LDB3: variants seen among roughly 807,000 people sequenced by gnomAD.
The protein encoded by LDB3 is LIM domain binding 3.
Under a neutral mutation model 69.0 loss-of-function variants are expected in LDB3, and 49 were observed. The observed-to-expected ratio is 0.71, with a 90% CI of 0.56 to 0.90. The LOEUF (loss-of-function observed/expected upper bound fraction) is 0.90, where lower values mean the gene tolerates loss of function less well. LDB3 is among the 40% of genes least tolerant of loss of function. The probability of loss-of-function intolerance (pLI) is 0.00; values close to 1 mark genes in which losing one functional copy is unlikely to be tolerated. For missense variants in LDB3, 928 were observed against 974.1 expected (o/e 0.95, Z 0.63); for synonymous variants, 387 against 396.2 (o/e 0.98, Z 0.28).
Position 86,681,508 on chromosome 10 carries a change from A to G in LDB3, c.394A>G (p.Thr132Ala), listed in dbSNP as rs1845127980. ...CCCTGAGGCGAGGGCCAGCCCAGGC[A>G]CCCCAGGCACCCCGGAGCTCAGGCC... is the stretch of plus-strand genomic sequence containing the variant. ...PSPEARASPG[T>A]PGTPELRPTF... The change falls in exon 5 of 14, where the codon ACC (threonine) becomes GCC (alanine). Residue 132 changes from threonine to alanine, a missense_variant. By Grantham distance (58) the Thr-to-Ala change is moderately conservative (BLOSUM62 0). Coordinates refer to ENST00000361373, the MANE Select transcript of LDB3 (RefSeq NM_007078.3). The G allele has an allele frequency of 1.2e-6, 2 of 1,611,150 alleles. No individual in the cohort carries two copies. Among genetic ancestry groups the G allele is most frequent in the African/African-American group, 2.7e-5 (2 of 74,838 alleles).
chr10:86,720,443 G>GCA (rs1554865318), intron 12 of LDB3, among the ~76,000 whole-genome samples: 1 of 148,530 alleles, frequency 6.7e-6, no homozygotes, highest in Non-Finnish European at 1.5e-5. Flanking sequence ...GACTCCATCT[G>GCA]AAAAAAAAAA....
intron 5 of LDB3, among the ~76,000 whole-genome samples, chr10:86,688,650 C>T (rs997564735): frequency 2.0e-5 from 3 of 152,174 alleles, no homozygotes; most frequent in Non-Finnish European, 2.9e-5. Context: ...TTAGCTCATG[C>T]GTACCCAGAA....
intron 9 of LDB3, among the ~76,000 whole-genome samples, chr10:86,715,057 T>C (rs1329276589): frequency 1.3e-5 from 2 of 152,190 alleles, no homozygotes; most frequent in Non-Finnish European, 2.9e-5. Context: ...AGCCACAGGC[T>C]GCCCCAGGCG....
At chr10:86,679,614 C>T in intron 3 of LDB3, 96 bp downstream of exon 3, 1 of 1,386,196 alleles carries the variant, frequency 7.2e-7, no homozygotes, top group South Asian at 1.2e-5. Context: ...TTGAGTGGGC[C>T]CCGCCCTGGG....
rs1049456402 is a variant in LDB3 at position 86,681,418 on chromosome 10, T to C, written c.322-18T>C. The C allele has an allele frequency of 1.3e-6, 2 of 1,599,686 alleles. No individual in the cohort carries two copies. Among genetic ancestry groups the C allele is most frequent in the Admixed American group, 1.7e-5 (1 of 60,004 alleles). ...ACCGCTCTCTTCTCTCTCCCCTGCA[T>C]GGCCTGCCCTGTGCCAGGACCCCGC... On this transcript the variant is annotated intron_variant, in intron 4 of 13. Coordinates refer to ENST00000361373, the MANE Select transcript of LDB3 (RefSeq NM_007078.3).
Position 86,716,693 on chromosome 10 carries a change from G to T in LDB3, c.1598G>T (p.Arg533Met). Reference sequence around the variant, plus strand: ...GGTCCTCAGGTGCCACCACTTGCCAGGGGGACCGTCCAGAGGGCTGAGCGA... The same window carrying T: ...GGTCCTCAGGTGCCACCACTTGCCATGGGGACCGTCCAGAGGGCTGAGCGA... ...PAGPQVPPLARGTVQRAERFP... is the reference protein window; with the variant it reads ...PAGPQVPPLAMGTVQRAERFP... Residue 533 changes from arginine to methionine, a missense_variant, in exon 10 of 14, where the codon AGG (arginine) becomes ATG (methionine). Physicochemically the swap from Arg to Met is moderately conservative, Grantham distance 91. Coordinates refer to ENST00000361373, the MANE Select transcript of LDB3 (RefSeq NM_007078.3). 6.2e-7 allele frequency: 1 copy of T among 1,613,808 alleles called. No homozygotes were observed. Among genetic ancestry groups the T allele is most frequent in the Non-Finnish European group, 8.5e-7 (1 of 1,179,970 alleles).
chr10:86,673,233 C>T (rs1844585312), intron 2 of LDB3, among the ~76,000 whole-genome samples: 2 of 152,204 alleles, frequency 1.3e-5, no homozygotes. Context: ...GGAAGAGAGG[C>T]AGGAGAGACT....
At chr10:86,706,203 C>T (rs547001235) in intron 7 of LDB3, among the ~76,000 whole-genome samples, 2 of 148,932 alleles carry the variant, frequency 1.3e-5, no homozygotes, top group African/African-American at 4.9e-5. Flanking sequence ...ATTCCATCGG[C>T]CTTTCTACCA....
intron 9 of LDB3, chr10:86,710,379 C>T (rs1589667817): frequency 1.9e-6 from 1 of 515,934 alleles, no homozygotes; most frequent in Non-Finnish European, 2.5e-6. Context: ...CGCCTGAGGT[C>T]GGGAGTTTGA....
In LDB3 at chr10:86,699,552, G is replaced by A; in HGVS notation, c.897-6979G>A. 1 of 1,473,116 alleles carries A rather than the reference G, an allele frequency of 6.8e-7. No homozygotes were observed. The highest frequency in any genetic ancestry group is 1.4e-5 in the South Asian group (1 of 74,016). The allele number at this position is 1,473,116 out of a possible 1,614,324, so 91.3% of individuals were successfully genotyped here. The stretch of plus-strand genomic sequence containing the variant: ...TGCCCACCCCAGAGCTGATGCTGGG[G>A]CCCAGCCCCCTGCAGCTCTGTACCC... On this transcript the variant is annotated intron_variant, in intron 7 of 13. Coordinates refer to ENST00000361373, the MANE Select transcript of LDB3 (RefSeq NM_007078.3). The surrounding 1 kb of genome is among the most constrained non-coding windows in gnomAD (Gnocchi z 4.9).
At chr10:86,672,112 A>AAAAT (rs57731777) in intron 2 of LDB3, among the ~76,000 whole-genome samples, 39,841 of 151,690 alleles carry the variant, frequency 0.26, 5,803 homozygotes, top group South Asian at 0.42. Flanking sequence ...CTCCATCTTA[A>AAAAT]AAATAAATAA....
Position 86,718,712 on chromosome 10 carries a change from G to A in LDB3, c.1858-15G>A, listed in dbSNP as rs960442267. On this transcript the variant is annotated splice_polypyrimidine_tract_variant and intron_variant, in intron 11 of 13. Coordinates refer to ENST00000361373, the MANE Select transcript of LDB3 (RefSeq NM_007078.3). ...CTCTCTCCTTTCTGTCCTGAGCTTA[G>A]GCTCTTTCCCCCAGGAAGTAATGCA... 1.2e-6 allele frequency: 2 copies of A among 1,614,120 alleles called. No homozygotes were observed. Among genetic ancestry groups the A allele is most frequent in the East Asian group, 2.2e-5 (1 of 44,878 alleles).
chr10:86,696,047 C>G (rs554626353), intron 7 of LDB3, among the ~76,000 whole-genome samples: 2 of 152,328 alleles, frequency 1.3e-5, no homozygotes, highest in African/African-American at 4.8e-5. Context: ...TCACATAGCC[C>G]TTTCCATCCC....
chr10:86,679,092 A>T (rs1385229531), intron 2 of LDB3, among the ~76,000 whole-genome samples: 1 of 152,188 alleles, frequency 6.6e-6, no homozygotes, highest in African/African-American at 2.4e-5. Context: ...TGGTTGCTAG[A>T]GGCAGACCTG....
In LDB3 at chr10:86,716,585, C is replaced by T. The variant is rs1348993474; in HGVS notation, c.1490C>T (p.Ser497Phe). 1.9e-6 allele frequency: 3 copies of T among 1,613,912 alleles called. No homozygotes were observed. The highest frequency in any genetic ancestry group is 8.5e-7 in the Non-Finnish European group (1 of 1,179,978). ...CCCTGGGTGACAGATGATAGCTTCTCCCAGAAGTTTGCCCCGGGCAAGAGC... is the reference window on the plus strand; with the variant it reads ...CCCTGGGTGACAGATGATAGCTTCTTCCAGAAGTTTGCCCCGGGCAAGAGC... Reference protein sequence around the residue: ...RPPWVTDDSFSQKFAPGKSTT... With the variant: ...RPPWVTDDSFFQKFAPGKSTT... Residue 497 changes from serine to phenylalanine, a missense_variant, in exon 10 of 14, where the codon TCC (serine) becomes TTC (phenylalanine). Physicochemically the swap from Ser to Phe is radical, Grantham distance 155 (BLOSUM62 -2). Transcript: ENST00000361373.
intron 7 of LDB3, 24 bp from the exon 8 acceptor site, chr10:86,706,507 G>C: frequency 6.2e-7 from 1 of 1,610,298 alleles, no homozygotes; most frequent in East Asian, 2.2e-5. Flanking sequence ...TTGACCTGTT[G>C]TCTTTTTGGT....
Position 86,732,957 on chromosome 10 carries a change from CA to C in LDB3, c.2166del (p.His723ThrfsTer50). ...KKDRPLCKKH[A>X]HTINL ...GACAGACCCCTGTGCAAGAAGCACG[CA>C]CACACCATCAACTTGTAGGCGGCCA... On this transcript the variant is annotated frameshift_variant, in exon 14 of 14. Coordinates refer to ENST00000361373, the MANE Select transcript of LDB3 (RefSeq NM_007078.3). LOFTEE classifies it high-confidence loss of function. 6.2e-7 allele frequency: 1 copy of C among 1,613,710 alleles called. No homozygotes were observed. Among genetic ancestry groups the C allele is most frequent in the Non-Finnish European group, 8.5e-7 (1 of 1,179,790 alleles).
intron 13 of LDB3, among the ~76,000 whole-genome samples, chr10:86,728,866 C>T (rs1315974350): frequency 6.6e-6 from 1 of 152,048 alleles, no homozygotes; most frequent in Non-Finnish European, 1.5e-5. Context: ...AGGTGTGAGC[C>T]ACCACACCCA....
intron 7 of LDB3, among the ~76,000 whole-genome samples, chr10:86,704,357 AG>A (rs1488396752): frequency 6.6e-6 from 1 of 152,014 alleles, no homozygotes; most frequent in East Asian, 1.9e-4. Flanking sequence ...CTACAAAATG[AG>A]GGTCACAATC....
Sources: allele counts gnomAD v4.1 joint callset (sites outside exome capture counted in the v4.1 genomes callset), GRCh38; gene constraint gnomAD v4.1.1; non-coding constraint Gnocchi (gnomAD v3.1); transcripts MANE v1.5; gene names NCBI Gene and HGNC (gene_info 2026-07-23, HGNC 2026-07-21).